Variants in IL1RAPL2 observed in about 807,000 individuals in gnomAD.
IL1RAPL2 encodes the protein interleukin 1 receptor accessory protein like 2.
A neutral mutation model predicts 44.1 loss-of-function variants in IL1RAPL2; 3 were observed. That is an observed-to-expected ratio of 0.07 (90% CI 0.03 to 0.18). The LOEUF (loss-of-function observed/expected upper bound fraction) is 0.18. Ranked by LOEUF, IL1RAPL2 falls within the 10% of genes least tolerant of loss-of-function variation. The probability of loss-of-function intolerance (pLI) is 1.00; values close to 1 mark genes in which losing one functional copy is unlikely to be tolerated. For synonymous variants in IL1RAPL2, 181 were observed against 178.8 expected, an observed-to-expected ratio of 1.01 and a Z score of -0.10; for missense variants, 391 against 496.4, an observed-to-expected ratio of 0.79 and a Z score of 2.02.
chrX:105,092,964 G>A (rs1287778645), intron 2 of IL1RAPL2, among the ~76,000 whole-genome samples: 1 of 111,077 alleles, frequency 9.0e-6, no homozygotes, highest in Non-Finnish European at 1.9e-5. Context: ...AAAAATAATA[G>A]GCAGAAATTG....
chrX:104,650,700 A>G (rs1021606151), intron 1 of IL1RAPL2, among the ~76,000 whole-genome samples: 6 of 111,953 alleles, frequency 5.4e-5, no homozygotes, highest in African/African-American at 1.9e-4. Flanking sequence ...GTTGCTCTTC[A>G]TTGTCCTGCA....
At chrX:105,058,074 G>A (rs985779102) in intron 2 of IL1RAPL2, among the ~76,000 whole-genome samples, 1 of 108,053 alleles carries the variant, frequency 9.3e-6, no homozygotes, top group South Asian at 4.1e-4. Context: ...TCAGCCTCCC[G>A]AGTAGCTGGG....
intron 3 of IL1RAPL2, among the ~76,000 whole-genome samples, chrX:105,210,723 C>G (rs1416039423): frequency 2.7e-5 from 3 of 111,140 alleles, no homozygotes; most frequent in Non-Finnish European, 5.7e-5. Context: ...GGGAACTGGC[C>G]CCAAGTCCTG....
At chrX:104,801,290 G>A (rs1028436685) in intron 2 of IL1RAPL2, among the ~76,000 whole-genome samples, 3 of 111,616 alleles carry the variant, frequency 2.7e-5, no homozygotes, top group Non-Finnish European at 5.6e-5. Flanking sequence ...CTTAGACTGA[G>A]TAAAAGTATT....
chrX:104,700,629 C>T (rs1188064919), intron 2 of IL1RAPL2, among the ~76,000 whole-genome samples: 1 of 111,863 alleles, frequency 8.9e-6, no homozygotes, highest in African/African-American at 3.3e-5. Flanking sequence ...TTCAGAGTTT[C>T]TGGCCACTTT....
intron 6 of IL1RAPL2, among the ~76,000 whole-genome samples, chrX:105,685,321 G>C (rs1319018997): frequency 1.8e-5 from 2 of 111,403 alleles, no homozygotes; most frequent in Non-Finnish European, 3.8e-5. Context: ...AAAGATTAGA[G>C]GAATGGCTAA....
At chrX:105,353,394 G>A (rs1224812295) in intron 5 of IL1RAPL2, among the ~76,000 whole-genome samples, 1 of 111,599 alleles carries the variant, frequency 9.0e-6, no homozygotes, top group Admixed American at 9.6e-5. Context: ...TTTTGGCTTA[G>A]AATTGACTTG....
chrX:104,780,500 C>A (rs1932765068), intron 2 of IL1RAPL2, among the ~76,000 whole-genome samples: 1 of 111,815 alleles, frequency 8.9e-6, no homozygotes, highest in Non-Finnish European at 1.9e-5. Flanking sequence ...ATTATTTAGG[C>A]TCTGTGGGCT....
chrX:105,617,641 T>G (rs2037387154), intron 6 of IL1RAPL2, among the ~76,000 whole-genome samples: 3 of 112,149 alleles, frequency 2.7e-5, no homozygotes, highest in Admixed American at 9.5e-5. Flanking sequence ...CACATAATTT[T>G]TCTGACAGGC....
intron 2 of IL1RAPL2, among the ~76,000 whole-genome samples, chrX:105,103,532 A>G (rs7053750): frequency 0.074 from 8,210 of 111,531 alleles, 764 homozygotes; most frequent in African/African-American, 0.25. Context: ...GGTCTGCCCA[A>G]TTTTCTCCTG....
In IL1RAPL2 at chrX:104,911,891, C is replaced by G. The variant is rs759004274; in HGVS notation, c.82+252896C>G. ...TGTTCCTTCTGTCTGAATTACTCTC[C>G]TGTAAGTGTTTGCAAATAAATCTTC... On this transcript the variant is annotated intron_variant, in intron 2 of 10. Coordinates refer to ENST00000372582, the MANE Select transcript of IL1RAPL2 (RefSeq NM_017416.2). Among the ~76,000 whole-genome samples, 18 of 111,663 alleles carry G rather than the reference C, an allele frequency of 1.6e-4. 1 individual carries two copies. Among genetic ancestry groups the G allele is most frequent in the Non-Finnish European group, 2.8e-4 (15 of 53,114 alleles).
chrX:104,796,763 T>G (rs767456572), intron 2 of IL1RAPL2, among the ~76,000 whole-genome samples: 45 of 110,915 alleles, frequency 4.1e-4, no homozygotes, highest in Non-Finnish European at 6.2e-4. Context: ...TTGGTTCTTT[T>G]TTTGTTTGTT....
chrX:105,353,167 G>A (rs1244937120), intron 5 of IL1RAPL2, among the ~76,000 whole-genome samples: 2 of 111,733 alleles, frequency 1.8e-5, no homozygotes, highest in African/African-American at 3.3e-5. Context: ...CAGTTTTCAA[G>A]CACCATTTAT....
chrX:105,065,808 T>C (rs2032130936), intron 2 of IL1RAPL2, among the ~76,000 whole-genome samples: 1 of 111,872 alleles, frequency 8.9e-6, no homozygotes, highest in African/African-American at 3.2e-5. Context: ...AGATGTCACT[T>C]TAGGCAGGAG....
chrX:105,743,870 C>T (rs1264530160), intron 8 of IL1RAPL2, among the ~76,000 whole-genome samples: 3 of 112,136 alleles, frequency 2.7e-5, no homozygotes. Flanking sequence ...CTAATGTCTT[C>T]CCTGAATTAG....
intron 4 of IL1RAPL2, among the ~76,000 whole-genome samples, chrX:105,243,582 TA>T (rs1569412024): frequency 1.1e-5 from 1 of 90,457 alleles, no homozygotes; most frequent in African/African-American, 6.1e-5. Flanking sequence ...TATATATATA[TA>T]TGTGTATATA....
chrX:105,166,297 C>T (rs6621939), intron 2 of IL1RAPL2, among the ~76,000 whole-genome samples: 509 of 110,840 alleles, frequency 4.6e-3, no homozygotes, highest in African/African-American at 0.015. Context: ...CAGTGCCTGA[C>T]GTATAGGTGC....
At chrX:105,318,907 C>T (rs2034875132) in intron 5 of IL1RAPL2, among the ~76,000 whole-genome samples, 3 of 112,252 alleles carry the variant, frequency 2.7e-5, no homozygotes, top group African/African-American at 6.5e-5. Flanking sequence ...TAGCTATCGC[C>T]TTCAATGCAA....
chrX:105,651,543 T>C (rs2037642330), intron 6 of IL1RAPL2, among the ~76,000 whole-genome samples: 1 of 112,048 alleles, frequency 8.9e-6, no homozygotes, highest in Admixed American at 9.5e-5. Flanking sequence ...TCTATAATTC[T>C]GTGAAATCTG....
Sources: allele counts gnomAD v4.1 joint callset (sites outside exome capture counted in the v4.1 genomes callset), GRCh38; gene constraint gnomAD v4.1.1; transcripts MANE v1.5; gene names NCBI Gene and HGNC (gene_info 2026-07-23, HGNC 2026-07-21).